Variants in EYS observed in about 807,000 individuals in gnomAD.
The protein encoded by EYS is EGF-like photoreceptor maintenance factor.
In EYS, 250 loss-of-function variants were observed where a neutral mutation model predicts 282.1. The ratio of observed to expected loss-of-function variants is 0.89; its 90% confidence interval spans 0.80 to 0.98. EYS has a LOEUF of 0.98. Ranked by LOEUF, EYS falls within the 50% of genes least tolerant of loss-of-function variation. The pLI is 0.00. For missense variants in EYS, 4,016 were observed against 3,709.0 expected (o/e 1.08, Z -2.15); for synonymous variants, 1,355 against 1,282.9 (o/e 1.06, Z -1.20).
intron 29 of EYS, among the ~76,000 whole-genome samples, chr6:64,385,389 C>A (rs556603750): frequency 1.3e-5 from 2 of 152,232 alleles, no homozygotes; most frequent in East Asian, 3.9e-4. Flanking sequence ...CAATGAGGGG[C>A]TGACATAAAA....
At chr6:63,790,717 A>G (rs1192127707) in intron 37 of EYS, among the ~76,000 whole-genome samples, 2 of 152,228 alleles carry the variant, frequency 1.3e-5, no homozygotes, top group Non-Finnish European at 2.9e-5. Flanking sequence ...ATAGTCTTTC[A>G]GGCAGCTGTT....
intron 26 of EYS, among the ~76,000 whole-genome samples, chr6:64,569,038 A>AAC (rs1489594819): frequency 3.3e-5 from 5 of 151,134 alleles, no homozygotes; most frequent in African/African-American, 9.7e-5. Flanking sequence ...AAAAAAAAAA[A>AAC]AAAAAACAGC....
intron 14 of EYS, among the ~76,000 whole-genome samples, chr6:64,972,461 A>T (rs1362640137): frequency 1.3e-5 from 2 of 152,034 alleles, no homozygotes; most frequent in Non-Finnish European, 2.9e-5. Context: ...GCGACTCCTG[A>T]GACAGCAAAG....
intron 19 of EYS, among the ~76,000 whole-genome samples, chr6:64,843,029 C>G (rs1162659547): frequency 6.6e-6 from 1 of 152,104 alleles, no homozygotes. Context: ...CCTCTCATCA[C>G]AGACCCAGAA....
At chr6:64,627,404 A>T (rs1361173855) in intron 22 of EYS, among the ~76,000 whole-genome samples, 1 of 152,212 alleles carries the variant, frequency 6.6e-6, no homozygotes, top group Non-Finnish European at 1.5e-5. Context: ...GGGAGAGCAC[A>T]GTCTGGGGTG....
At chr6:64,753,791 C>T (rs949944904) in intron 22 of EYS, among the ~76,000 whole-genome samples, 2 of 152,016 alleles carry the variant, frequency 1.3e-5, no homozygotes, top group African/African-American at 2.4e-5. Context: ...ACCCAACAAT[C>T]ACAGAATATA....
intron 2 of EYS, among the ~76,000 whole-genome samples, chr6:65,589,294 T>C (rs1043893723): frequency 3.9e-5 from 6 of 152,096 alleles, no homozygotes; most frequent in African/African-American, 1.4e-4. Flanking sequence ...CAGAGTGCAC[T>C]GCTTTGAATT....
chr6:64,929,515 G>T (rs906661375), intron 15 of EYS, among the ~76,000 whole-genome samples: 2 of 151,826 alleles, frequency 1.3e-5, no homozygotes, highest in African/African-American at 2.4e-5. Flanking sequence ...TTCTTCCTTT[G>T]TGCTACTGTT....
At chr6:64,377,055 G>A (rs932988276) in intron 29 of EYS, among the ~76,000 whole-genome samples, 3 of 151,922 alleles carry the variant, frequency 2.0e-5, no homozygotes, top group African/African-American at 7.3e-5. Flanking sequence ...ATAATGCCTG[G>A]CACATAGTGG....
intron 14 of EYS, among the ~76,000 whole-genome samples, chr6:64,973,698 T>C (rs1770376062): frequency 6.6e-6 from 1 of 151,984 alleles, no homozygotes; most frequent in African/African-American, 2.4e-5. Flanking sequence ...TAGTGCTAAG[T>C]CTTTCCTAAG....
chr6:65,578,385 G>A (rs543803636), intron 2 of EYS, among the ~76,000 whole-genome samples: 2 of 151,722 alleles, frequency 1.3e-5, no homozygotes, highest in South Asian at 2.1e-4. Context: ...AGTCAAATTC[G>A]TAGAAAACTA....
At chr6:64,766,613 C>T (rs1213118157) in intron 22 of EYS, among the ~76,000 whole-genome samples, 66 of 79,454 alleles carry the variant, frequency 8.3e-4, no homozygotes, top group African/African-American at 2.9e-3. Context: ...GCCTGGGTGA[C>T]GGAGTGAAAC....
intron 30 of EYS, among the ~76,000 whole-genome samples, chr6:64,291,974 C>A (rs556756236): frequency 3.2e-4 from 48 of 152,172 alleles, no homozygotes; most frequent in African/African-American, 1.1e-3. Context: ...TACACAATAT[C>A]ATTTATTCCT....
rs917484354 is a variant in EYS at position 64,228,455 on chromosome 6, T to C, written c.6424+2137A>G. 9.2e-5 allele frequency among the ~76,000 whole-genome samples: 14 copies of C among 152,112 alleles called. No individual in the cohort carries two copies. The South Asian group carries it at 2.5e-3, about 27-fold the overall frequency. Reference sequence around the variant, plus strand: ...AGTATATCATGTGCCTCAGTATTAATGAATTAAAGTTATTCTTCAAATGCA... The same window carrying C: ...AGTATATCATGTGCCTCAGTATTAACGAATTAAAGTTATTCTTCAAATGCA... On this transcript the variant is annotated intron_variant, in intron 31 of 42. Coordinates refer to ENST00000503581, the MANE Select transcript of EYS (RefSeq NM_001142800.2).
At chr6:65,697,080 T>C (rs1006432817) in intron 1 of EYS, among the ~76,000 whole-genome samples, 2 of 152,036 alleles carry the variant, frequency 1.3e-5, no homozygotes, top group Non-Finnish European at 1.5e-5. Context: ...CATATATGTT[T>C]TTGTGTGTTT....
At position 64,071,146 on chromosome 6, in the gene EYS, C is replaced by T. The variant is rs146588868; in HGVS notation, c.6572-4655G>A. Among the ~76,000 whole-genome samples the T allele has an allele frequency of 1.1e-3, 165 of 152,010 alleles. 1 individual carries two copies. Among genetic ancestry groups the T allele is most frequent in the Non-Finnish European group, 1.7e-3 (118 of 67,944 alleles). ...TGTTCCCCCTACCTCAGGTTCTAGA[C>T]GAGTGGATTAAAAGCAACAGTCAGG... is the stretch of plus-strand genomic sequence containing the variant. On this transcript the variant is annotated intron_variant, in intron 32 of 42. Coordinates refer to ENST00000503581, the MANE Select transcript of EYS (RefSeq NM_001142800.2).
intron 26 of EYS, among the ~76,000 whole-genome samples, chr6:64,549,206 T>A (rs933536338): frequency 6.6e-6 from 1 of 152,166 alleles, no homozygotes; most frequent in African/African-American, 2.4e-5. Flanking sequence ...CAGATACTCA[T>A]CCACTCAGTA....
intron 12 of EYS, among the ~76,000 whole-genome samples, chr6:65,266,029 T>A (rs1006125937): frequency 1.3e-5 from 2 of 151,490 alleles, no homozygotes; most frequent in Non-Finnish European, 2.9e-5. Context: ...AAGAAAAAAA[T>A]ATGTTTGCCT....
intron 2 of EYS, among the ~76,000 whole-genome samples, chr6:65,609,082 T>G (rs1211829709): frequency 6.6e-6 from 1 of 152,084 alleles, no homozygotes; most frequent in Admixed American, 6.6e-5. Context: ...ACATAATCTT[T>G]TATTATAAAG....
Sources: allele counts gnomAD v4.1 joint callset (sites outside exome capture counted in the v4.1 genomes callset), GRCh38; gene constraint gnomAD v4.1.1; transcripts MANE v1.5; gene names NCBI Gene and HGNC (gene_info 2026-07-23, HGNC 2026-07-21).